IGF2BP3: variants seen among roughly 807,000 people sequenced by gnomAD.
The protein encoded by IGF2BP3 is insulin like growth factor 2 mRNA binding protein 3.
IGF2BP3 carries 9 observed loss-of-function variants against 73.8 expected under a neutral mutation model. The ratio of observed to expected loss-of-function variants is 0.12; its 90% confidence interval spans 0.07 to 0.21. The LOEUF (loss-of-function observed/expected upper bound fraction) is 0.21. Ranked by LOEUF, IGF2BP3 falls within the 10% of genes least tolerant of loss-of-function variation. The probability of loss-of-function intolerance (pLI) is 1.00; values close to 1 mark genes in which losing one functional copy is unlikely to be tolerated. For missense variants in IGF2BP3, 542 were observed against 714.0 expected (o/e 0.76, Z 2.75); for synonymous variants, 258 against 256.7 (o/e 1.01, Z -0.05).
chr7:23,353,227 C>T (rs1173740997), intron 5 of IGF2BP3, among the ~76,000 whole-genome samples: 1 of 152,060 alleles, frequency 6.6e-6, no homozygotes, highest in Non-Finnish European at 1.5e-5. Flanking sequence ...TGGTCATTTC[C>T]GGCTTATACA....
Position 23,351,294 on chromosome 7 carries a change from A to G in IGF2BP3, c.683+11T>C. On this transcript the variant is annotated intron_variant, in intron 6 of 14. Coordinates refer to ENST00000258729, the MANE Select transcript of IGF2BP3 (RefSeq NM_006547.3). ...TCTCATGAACACCCACCACACACTC[A>G]GCATACTCACTTAGACTGGGTCTGT... is the stretch of plus-strand genomic sequence containing the variant. 4 of 1,613,156 alleles carry G rather than the reference A, an allele frequency of 2.5e-6. No homozygotes were observed. Among genetic ancestry groups the G allele is most frequent in the Non-Finnish European group, 3.4e-6 (4 of 1,179,604 alleles).
intron 2 of IGF2BP3, among the ~76,000 whole-genome samples, chr7:23,442,690 GC>G (rs1787965040): frequency 6.6e-6 from 1 of 152,080 alleles, no homozygotes; most frequent in Admixed American, 6.6e-5. Context: ...GAGCTACCGA[GC>G]CCAGTCTGTT....
Position 23,330,585 on chromosome 7 carries a change from T to G in IGF2BP3, c.1204-11331A>C, listed in dbSNP as rs371193163. On this transcript the variant is annotated intron_variant, in intron 10 of 14. Transcript: ENST00000258729. ...TCCAGAGACAGTCAGTTATTTTTAT[T>G]TTGAAAAATAGGGGTGGACTGAAGA... 3.0e-4 allele frequency among the ~76,000 whole-genome samples: 45 copies of G among 152,108 alleles called. 1 individual carries two copies. In the East Asian group the frequency reaches 8.1e-3, roughly 27 times the overall value.
At chr7:23,425,153 GT>G (rs1283659001) in intron 2 of IGF2BP3, among the ~76,000 whole-genome samples, 1 of 152,130 alleles carries the variant, frequency 6.6e-6, no homozygotes, top group Non-Finnish European at 1.5e-5. Flanking sequence ...TTTACATGAG[GT>G]TTGTTCGTAT....
At chr7:23,327,872 A>G (rs1157303600) in intron 10 of IGF2BP3, among the ~76,000 whole-genome samples, 1 of 152,166 alleles carries the variant, frequency 6.6e-6, no homozygotes, top group African/African-American at 2.4e-5. Context: ...ACTAAGCACC[A>G]TAAATCCATG....
In IGF2BP3 at chr7:23,342,086, G is replaced by A. The variant is rs1375370412; in HGVS notation, c.1181C>T (p.Thr394Ile). The change falls in exon 10 of 15, where the codon ACT (threonine) becomes ATT (isoleucine). Residue 394 changes from threonine to isoleucine, a missense_variant. By Grantham distance (89) the Thr-to-Ile change is moderately conservative. Coordinates refer to ENST00000258729, the MANE Select transcript of IGF2BP3 (RefSeq NM_006547.3). ...TACCTCAAACTGCGGGTAGGGAGGA[G>A]TCATGGCTGAAGGGGGCCCTGAGGT... ...PPTSGPPSAM[T>I]PPYPQFEQSE... 2 of 1,595,976 alleles carry A rather than the reference G, an allele frequency of 1.3e-6. No homozygotes were observed. Among genetic ancestry groups the A allele is most frequent in the East Asian group, 2.2e-5 (1 of 44,632 alleles).
At position 23,372,160 on chromosome 7, in the gene IGF2BP3, G is replaced by A. The variant is rs192828335; in HGVS notation, c.286-10419C>T. On this transcript the variant is annotated intron_variant, in intron 3 of 14. Transcript: ENST00000258729. ...ACGATCTTGGCTCACCGCAACCTCC[G>A]CCACCCGGGGTTCAAGCGATTCTTC... Among the ~76,000 whole-genome samples, 187 of 151,510 alleles carry A rather than the reference G, an allele frequency of 1.2e-3. 3 individuals are homozygous for A. The highest frequency in any genetic ancestry group is 4.1e-3 in the African/African-American group (171 of 41,252).
intron 2 of IGF2BP3, among the ~76,000 whole-genome samples, chr7:23,440,952 A>G (rs1701157439): frequency 6.6e-6 from 1 of 152,228 alleles, no homozygotes; most frequent in South Asian, 2.1e-4. Flanking sequence ...TCATTTAAAT[A>G]GTTATTTACC....
chr7:23,432,188 G>C (rs1313185174), intron 2 of IGF2BP3, among the ~76,000 whole-genome samples: 2 of 152,302 alleles, frequency 1.3e-5, no homozygotes, highest in East Asian at 1.9e-4. Context: ...GAGTCTGACA[G>C]CCAGACGTGC....
chr7:23,335,927 A>C (rs1445448227), intron 10 of IGF2BP3, among the ~76,000 whole-genome samples: 2 of 152,232 alleles, frequency 1.3e-5, no homozygotes, highest in Non-Finnish European at 2.9e-5. Context: ...TGTACGAGCC[A>C]GCTGCTAGGC....
chr7:23,346,487 G>A (rs1784830552), intron 7 of IGF2BP3, among the ~76,000 whole-genome samples: 1 of 152,258 alleles, frequency 6.6e-6, no homozygotes, highest in Admixed American at 6.5e-5. Context: ...GAACAGGAAG[G>A]GGAGCTTTCA....
chr7:23,367,995 A>C lies in IGF2BP3; in HGVS notation c.286-6254T>G, dbSNP rs1308482417. ...AGCCTGGGCAACAGATAGAGACTCC[A>C]TCTATTTAAAAACAAAAAAAAACAA... On this transcript the variant is annotated intron_variant, in intron 3 of 14. Transcript: ENST00000258729. Among the ~76,000 whole-genome samples, 5 of 151,110 alleles carry C rather than the reference A, an allele frequency of 3.3e-5. No homozygotes were observed. In the South Asian group the frequency reaches 1.0e-3, roughly 31 times the overall value.
At position 23,343,920 on chromosome 7, in the gene IGF2BP3, C is replaced by G. The variant is rs1013007059; in HGVS notation, c.942-67G>C. The G allele has an allele frequency of 2.6e-6, 4 of 1,524,752 alleles. No individual in the cohort carries two copies. In the Admixed American group the frequency reaches 7.1e-5, roughly 27 times the overall value. The allele number at this position is 1,524,752 out of a possible 1,614,324, so 94.5% of individuals were successfully genotyped here. On this transcript the variant is annotated intron_variant, in intron 8 of 14. Transcript: ENST00000258729. ...GGAGGAAGACAGCTAATAATTCAGC[C>G]ACAGACGGCAATTAAAAACAAACTG...
intron 10 of IGF2BP3, among the ~76,000 whole-genome samples, chr7:23,326,394 A>G (rs1458584967): frequency 1.4e-4 from 21 of 152,106 alleles, no homozygotes; most frequent in Admixed American, 3.3e-4. Context: ...CTAGAATGGC[A>G]ATCATTAAAA....
At chr7:23,327,642 G>A (rs586926) in intron 10 of IGF2BP3, among the ~76,000 whole-genome samples, 6,134 of 152,156 alleles carry the variant, frequency 0.04, 206 homozygotes, top group South Asian at 0.11. Flanking sequence ...AAAATCTCAG[G>A]AACTAGGTAG....
chr7:23,362,198 G>A (rs1028398631), intron 3 of IGF2BP3, among the ~76,000 whole-genome samples: 3 of 151,990 alleles, frequency 2.0e-5, no homozygotes, highest in African/African-American at 7.3e-5. Flanking sequence ...CATAGCTTGA[G>A]GCCAGGAGTT....
At chr7:23,391,579 C>A (rs1786279666) in intron 3 of IGF2BP3, among the ~76,000 whole-genome samples, 3 of 152,286 alleles carry the variant, frequency 2.0e-5, no homozygotes, top group Admixed American at 2.0e-4. Context: ...TTCTTTGGAA[C>A]TGAGCCCCAA....
At chr7:23,412,841 C>CA (rs1787067599) in intron 3 of IGF2BP3, among the ~76,000 whole-genome samples, 1 of 87,930 alleles carries the variant, frequency 1.1e-5, no homozygotes, top group Non-Finnish European at 2.1e-5. Context: ...AAGACTCTGG[C>CA]CTTTTTTTTT....
intron 12 of IGF2BP3, among the ~76,000 whole-genome samples, chr7:23,317,312 G>A (rs1784018637): frequency 6.6e-6 from 1 of 152,142 alleles, no homozygotes; most frequent in African/African-American, 2.4e-5. Flanking sequence ...GGGACAGGAG[G>A]GAAAACATCT....
Sources: allele counts gnomAD v4.1 joint callset (sites outside exome capture counted in the v4.1 genomes callset), GRCh38; gene constraint gnomAD v4.1.1; transcripts MANE v1.5; gene names NCBI Gene and HGNC (gene_info 2026-07-23, HGNC 2026-07-21).